Variants in APBB1IP observed in about 807,000 individuals in gnomAD.
The protein encoded by APBB1IP is amyloid beta A4 precursor protein-binding family B member 1-interacting protein.
Under a neutral mutation model 64.9 loss-of-function variants are expected in APBB1IP, and 27 were observed. That is an observed-to-expected ratio of 0.42 (90% CI 0.31 to 0.57). The LOEUF is 0.57. APBB1IP is among the 20% of genes least tolerant of loss of function. APBB1IP has a pLI of 0.20. For missense variants in APBB1IP, 812 were observed against 845.5 expected (o/e 0.96, Z 0.49); for synonymous variants, 392 against 331.0 (o/e 1.18, Z -2.00).
chr10:26,456,908 T>A (rs1018601670), intron 2 of APBB1IP, among the ~76,000 whole-genome samples: 7 of 152,076 alleles, frequency 4.6e-5, no homozygotes, highest in Non-Finnish European at 8.8e-5. Flanking sequence ...CTGGGGAAAG[T>A]GTGGGACAAG....
In APBB1IP at chr10:26,516,946, A is replaced by G. The variant is rs187392098; in HGVS notation, c.813+3286A>G. Among the ~76,000 whole-genome samples, 4 of 152,228 alleles carry G rather than the reference A, an allele frequency of 2.6e-5. No individual in the cohort carries two copies. The East Asian group carries it at 5.8e-4, about 22-fold the overall frequency. On this transcript the variant is annotated intron_variant, in intron 8 of 14. Transcript: ENST00000376236. ...GAAGATAAGGGTTCCTTTGTTGAGTATATTTATTCAGCTCCTTTGCAGCCC... is the reference window on the plus strand; with the variant it reads ...GAAGATAAGGGTTCCTTTGTTGAGTGTATTTATTCAGCTCCTTTGCAGCCC...
At position 26,511,872 on chromosome 10, in the gene APBB1IP, G is replaced by T. The variant is rs779472769; in HGVS notation, c.657G>T (p.Trp219Cys). 1.2e-6 allele frequency: 2 copies of T among 1,614,070 alleles called. No individual in the cohort carries two copies. Among genetic ancestry groups the T allele is most frequent in the Non-Finnish European group, 8.5e-7 (1 of 1,180,020 alleles). Residue 219 changes from tryptophan to cysteine, a missense_variant, in exon 7 of 15, where the codon TGG (tryptophan) becomes TGT (cysteine). Trp to Cys is a radical substitution (Grantham distance 215). This residue lies in a region of APBB1IP where 394 missense variants were observed against 413.1 expected (regional missense o/e 0.95). Transcript: ENST00000376236. ...EKTHCDCNVD[W>C]CLYEIYPELQ... ...CTCATTGTGACTGCAATGTAGACTG[G>T]TGTCTTTATGAAATCTACCCGGAAC...
Position 26,511,736 on chromosome 10 carries a change from T to C in APBB1IP, c.532-11T>C. 6.2e-7 allele frequency: 1 copy of C among 1,614,022 alleles called. No homozygotes were observed. The highest frequency in any genetic ancestry group is 1.1e-5 in the South Asian group (1 of 91,080). On this transcript the variant is annotated splice_polypyrimidine_tract_variant and intron_variant, in intron 6 of 14. Transcript: ENST00000376236. ...TGAAATTTACTGGCTGCCCCATGGT[T>C]CTATCCTCAGCTCGTCGTCAAGGTG...
At chr10:26,481,858 T>A (rs1835838753) in intron 2 of APBB1IP, among the ~76,000 whole-genome samples, 1 of 151,988 alleles carries the variant, frequency 6.6e-6, no homozygotes, top group Non-Finnish European at 1.5e-5. Context: ...TGTGTGTGTG[T>A]GTGTGTGTGT....
intron 7 of APBB1IP, 120 bp from the exon 8 acceptor site, chr10:26,513,418 AT>A: frequency 1.9e-6 from 2 of 1,061,018 alleles, no homozygotes; most frequent in Non-Finnish European, 1.4e-6. Context: ...TGTGAGAATT[AT>A]TAATAAGAAT....
At chr10:26,552,851 T>C (rs1836849096) in intron 11 of APBB1IP, among the ~76,000 whole-genome samples, 1 of 152,018 alleles carries the variant, frequency 6.6e-6, no homozygotes, top group African/African-American at 2.4e-5. Flanking sequence ...CTGCAGACAA[T>C]TCTTCTCTTT....
intron 8 of APBB1IP, among the ~76,000 whole-genome samples, chr10:26,532,550 T>C (rs1275689333): frequency 3.3e-5 from 5 of 152,072 alleles, no homozygotes; most frequent in African/African-American, 1.2e-4. Flanking sequence ...GGAGTGATCA[T>C]AGCTTACTGC....
At chr10:26,475,648 G>A (rs7085145) in intron 2 of APBB1IP, among the ~76,000 whole-genome samples, 61,023 of 151,890 alleles carry the variant, frequency 0.4, 14,382 homozygotes, top group East Asian at 0.65. Flanking sequence ...CATGTCATTC[G>A]AACTCCTGAC....
chr10:26,446,380 G>A (rs554298147), intron 2 of APBB1IP, among the ~76,000 whole-genome samples: 2 of 152,258 alleles, frequency 1.3e-5, no homozygotes, highest in African/African-American at 4.8e-5. Flanking sequence ...TTCTTCATGT[G>A]TTTACTCATT....
chr10:26,515,140 C>A (rs935394820), intron 8 of APBB1IP, among the ~76,000 whole-genome samples: 1 of 152,018 alleles, frequency 6.6e-6, no homozygotes, highest in African/African-American at 2.4e-5. Context: ...CTTGGCCTCC[C>A]AAAGTGCTGG....
At chr10:26,487,317 G>C (rs1027057070) in intron 2 of APBB1IP, among the ~76,000 whole-genome samples, 1 of 151,524 alleles carries the variant, frequency 6.6e-6, no homozygotes, top group African/African-American at 2.4e-5. Context: ...TGTGTACACT[G>C]TATACATGTG....
chr10:26,507,730 C>T (rs1319735720), intron 6 of APBB1IP, among the ~76,000 whole-genome samples: 1 of 152,042 alleles, frequency 6.6e-6, no homozygotes, highest in African/African-American at 2.4e-5. Flanking sequence ...ATTTCAAACC[C>T]CTGGATTATG....
At chr10:26,447,761 C>T (rs973652641) in intron 2 of APBB1IP, among the ~76,000 whole-genome samples, 1 of 152,116 alleles carries the variant, frequency 6.6e-6, no homozygotes, top group African/African-American at 2.4e-5. Context: ...CACTCTGTCA[C>T]CCAAGCAAGA....
At chr10:26,521,751 T>G (rs191149540) in intron 8 of APBB1IP, among the ~76,000 whole-genome samples, 6 of 152,228 alleles carry the variant, frequency 3.9e-5, no homozygotes, top group Middle Eastern at 3.4e-3. Context: ...TTATTAAGTA[T>G]TATTATTATT....
Position 26,567,323 on chromosome 10 carries a change from C to T in APBB1IP, c.1836C>T (p.Pro612=), listed in dbSNP as rs535253635. ...CGCCGCCCGCGCCCGCGCCCGCCCC[C>T]GTCCCCGACTCCGCCAGGCCGCCCC... ...PPPPPAPAPA[P]VPDSARPPPA... The change falls in exon 15 of 15, where the codon CCC becomes CCT. Residue 612 remains proline (P), a synonymous_variant. Coordinates refer to ENST00000376236, the MANE Select transcript of APBB1IP (RefSeq NM_019043.4). 4 of 1,275,880 alleles carry T rather than the reference C, an allele frequency of 3.1e-6. No individual in the cohort carries two copies. The highest frequency in any genetic ancestry group is 3.0e-6 in the Non-Finnish European group (3 of 993,786). The allele number at this position is 1,275,880 out of a possible 1,614,324, so 79.0% of individuals were successfully genotyped here.
At chr10:26,445,885 CG>C (rs1444816288) in intron 2 of APBB1IP, among the ~76,000 whole-genome samples, 11,642 of 152,148 alleles carry the variant, frequency 0.077, 1,434 homozygotes, top group African/African-American at 0.26. Context: ...TAACAGTGAT[CG>C]AGATAAGTGA....
chr10:26,454,946 G>A (rs1022383350), intron 2 of APBB1IP, among the ~76,000 whole-genome samples: 1 of 152,174 alleles, frequency 6.6e-6, no homozygotes, highest in Non-Finnish European at 1.5e-5. Context: ...GGAGAAATTG[G>A]GAGGGCTTTG....
At chr10:26,465,744 A>T (rs1835640824) in intron 2 of APBB1IP, among the ~76,000 whole-genome samples, 1 of 152,182 alleles carries the variant, frequency 6.6e-6, no homozygotes, top group African/African-American at 2.4e-5. Flanking sequence ...TCCTTGTGTG[A>T]TACCTATCTT....
In APBB1IP at chr10:26,567,410, C is replaced by G; in HGVS notation, c.1923C>G (p.Gly641=). The G allele has an allele frequency of 6.2e-7, 1 of 1,602,834 alleles. No homozygotes were observed. Among genetic ancestry groups the G allele is most frequent in the East Asian group, 2.3e-5 (1 of 44,292 alleles). The change falls in exon 15 of 15, where the codon GGC becomes GGG. Residue 641 remains glycine (G), a synonymous_variant. Transcript: ENST00000376236. ...GGCAAGAGAACCCAGGGCACCCCGG[C>G]GGAGCAGGAGGCGGGGAGCAAGATT... ...PKRQENPGHP[G]GAGGGEQDFM... is the part of the protein sequence containing the mutation.
Sources: gnomAD v4.1 joint callset for allele counts (sites outside exome capture counted in the v4.1 genomes callset) on GRCh38, gnomAD v4.1.1 for gene constraint, gnomAD v4.1.1 regional missense constraint, MANE v1.5 for transcripts, NCBI Gene and HGNC (gene_info 2026-07-23, HGNC 2026-07-21) for gene names.